SPECC1: variants seen among roughly 807,000 people sequenced by gnomAD.
SPECC1 encodes the protein sperm antigen with calponin homology and coiled-coil domains 1.
SPECC1 carries 62 observed loss-of-function variants against 104.1 expected under a neutral mutation model. The ratio of observed to expected loss-of-function variants is 0.60; its 90% confidence interval spans 0.49 to 0.74. The LOEUF (loss-of-function observed/expected upper bound fraction) is 0.74. Ranked by LOEUF, SPECC1 falls within the 30% of genes least tolerant of loss-of-function variation. The probability of loss-of-function intolerance (pLI) is 0.00; values close to 1 mark genes in which losing one functional copy is unlikely to be tolerated. For synonymous variants in SPECC1, 513 were observed against 501.6 expected, an observed-to-expected ratio of 1.02 and a Z score of -0.30; for missense variants, 1,306 against 1,310.5, an observed-to-expected ratio of 1.00 and a Z score of 0.05.
intron 3 of SPECC1, among the ~76,000 whole-genome samples, chr17:20,128,756 T>C (rs1336347762): frequency 6.6e-6 from 1 of 152,144 alleles, no homozygotes; most frequent in Non-Finnish European, 1.5e-5. Context: ...TTTTTATCAC[T>C]TTGAAATTTG....
At chr17:20,270,429 T>G (rs2040362655) in intron 12 of SPECC1, among the ~76,000 whole-genome samples, 1 of 74,130 alleles carries the variant, frequency 1.3e-5, no homozygotes, top group African/African-American at 5.7e-5. Flanking sequence ...GGCCCTGTCT[T>G]TACCAAAAAA....
chr17:20,066,039 C>A (rs1421640576), intron 1 of SPECC1, among the ~76,000 whole-genome samples: 1 of 152,184 alleles, frequency 6.6e-6, no homozygotes, highest in Non-Finnish European at 1.5e-5. Context: ...TCAATCATAA[C>A]AACATACCAT....
chr17:20,267,683 G>A (rs1404047915), intron 12 of SPECC1, among the ~76,000 whole-genome samples: 4 of 152,204 alleles, frequency 2.6e-5, no homozygotes, highest in African/African-American at 9.7e-5. Flanking sequence ...CTGGCAGCCA[G>A]CAGGAAACAG....
rs1233596275 is a variant in SPECC1, at chr17:20,317,820, A to G, written c.*3755A>G. ...CTGTGACTGATGGCCTCAGGAGTCC[A>G]GGAATAGGCCTTCTAGCACAGCAGC... On this transcript the variant is annotated 3_prime_UTR_variant, in exon 15 of 15. Transcript: ENST00000395527. The G allele has an allele frequency of 8.9e-6, 2 of 224,980 alleles. No homozygotes were observed. Among genetic ancestry groups the G allele is most frequent in the African/African-American group, 2.2e-5 (1 of 44,824 alleles). 13.9% of individuals were successfully genotyped at this position (224,980 alleles called of 1,614,324 possible). A position where few individuals can be genotyped will look rare whatever the true frequency, so the allele number is the denominator to read the frequency against.
chr17:20,028,092 CAT>C (rs1260089004), intron 1 of SPECC1, among the ~76,000 whole-genome samples: 3 of 152,090 alleles, frequency 2.0e-5, no homozygotes, highest in African/African-American at 7.2e-5. Context: ...TTAATTTTTG[CAT>C]ATGGTGTGAT....
At position 20,252,941 on chromosome 17, in the gene SPECC1, C is replaced by T. The variant is rs186223937; in HGVS notation, c.2599-564C>T. On this transcript the variant is annotated intron_variant, in intron 9 of 14. Coordinates refer to ENST00000395527, the MANE Select transcript of SPECC1 (RefSeq NM_001243439.2). The stretch of plus-strand genomic sequence containing the variant: ...TATTTCTAATTTTTTGAGGAACCTC[C>T]ATACTGTTCTGCGTAATGGCTGCAC... 3.8e-3 allele frequency among the ~76,000 whole-genome samples: 580 copies of T among 152,200 alleles called. 5 individuals carry two copies. Among genetic ancestry groups the T allele is most frequent in the Non-Finnish European group, 5.0e-3 (339 of 68,006 alleles).
intron 1 of SPECC1, among the ~76,000 whole-genome samples, chr17:20,078,314 A>G (rs1173607843): frequency 6.6e-6 from 1 of 151,936 alleles, no homozygotes; most frequent in South Asian, 2.1e-4. Context: ...AGTACTACTC[A>G]TAATAAATGA....
rs762643888 is a variant in SPECC1 at position 20,317,259 on chromosome 17, A to ATTTTT, written c.*3211_*3215dup. 213 of 69,664 alleles carry ATTTTT rather than the reference A, an allele frequency of 3.1e-3. 21 individuals carry two copies. The highest frequency in any genetic ancestry group is 0.014 in the African/African-American group (183 of 12,868). The allele number at this position is 69,664 out of a possible 1,614,324, so 4.3% of individuals were successfully genotyped here. The stretch of plus-strand genomic sequence containing the variant: ...GCAAGACCTCTGACTCTATAAAAAA[A>ATTTTT]TTTTTTTTTTTTTTTTTTTTTGAGA... On this transcript the variant is annotated 3_prime_UTR_variant, in exon 15 of 15. Transcript: ENST00000395527.
At chr17:20,089,030 A>G (rs1003511510) in intron 1 of SPECC1, among the ~76,000 whole-genome samples, 4 of 152,228 alleles carry the variant, frequency 2.6e-5, no homozygotes, top group Non-Finnish European at 4.4e-5. Context: ...ACTGTAAGCA[A>G]TGAGTTTGCC....
chr17:20,192,332 T>G (rs1044137413), intron 3 of SPECC1, among the ~76,000 whole-genome samples: 3 of 152,144 alleles, frequency 2.0e-5, no homozygotes, highest in Non-Finnish European at 4.4e-5. Context: ...TAACAGTCCT[T>G]TATCGGATAT....
At chr17:20,245,837 C>A in intron 7 of SPECC1, 89 bp from the exon 8 acceptor site, 1 of 1,425,590 alleles carries the variant, frequency 7.0e-7, no homozygotes, top group South Asian at 1.4e-5. Flanking sequence ...CATTTATTTT[C>A]TCCACATCAG....
intron 4 of SPECC1, among the ~76,000 whole-genome samples, chr17:20,214,734 C>T (rs1463258467): frequency 6.6e-6 from 1 of 152,178 alleles, no homozygotes; most frequent in Non-Finnish European, 1.5e-5. Context: ...TCTCAAACCC[C>T]TGACCTTAAG....
intron 3 of SPECC1, among the ~76,000 whole-genome samples, chr17:20,168,262 AC>A (rs1169100875): frequency 2.6e-5 from 4 of 152,230 alleles, no homozygotes; most frequent in Admixed American, 6.5e-5. Context: ...ATTTAAAAAA[AC>A]ATTACACCAT....
intron 3 of SPECC1, among the ~76,000 whole-genome samples, chr17:20,142,672 A>G (rs1448195695): frequency 1.3e-5 from 2 of 152,142 alleles, no homozygotes; most frequent in African/African-American, 2.4e-5. Flanking sequence ...ATTCTTTTAT[A>G]GGTACCAAGT....
rs368950901 is a variant in SPECC1 at position 20,142,148 on chromosome 17, G to A, written c.283+31586G>A. Among the ~76,000 whole-genome samples, 6 of 152,282 alleles carry A rather than the reference G, an allele frequency of 3.9e-5. No homozygotes were observed. In the East Asian group the frequency reaches 7.7e-4, roughly 20 times the overall value. The stretch of plus-strand genomic sequence containing the variant: ...TCTTCTGTTACATTCAGCATAGTGC[G>A]TGTAAAGTCACTAAATTATTATTTT... On this transcript the variant is annotated intron_variant, in intron 3 of 14. Coordinates refer to ENST00000395527, the MANE Select transcript of SPECC1 (RefSeq NM_001243439.2).
At chr17:20,031,274 G>T (rs950185964) in intron 1 of SPECC1, among the ~76,000 whole-genome samples, 1 of 152,076 alleles carries the variant, frequency 6.6e-6, no homozygotes, top group Admixed American at 6.6e-5. Context: ...CATTATAGGT[G>T]TGAGCCACCG....
chr17:20,089,944 G>A (rs2047332232), intron 1 of SPECC1, among the ~76,000 whole-genome samples: 1 of 152,188 alleles, frequency 6.6e-6, no homozygotes, highest in Admixed American at 6.5e-5. Context: ...GGCTGAAGCT[G>A]GTTATTCAGG....
intron 12 of SPECC1, among the ~76,000 whole-genome samples, chr17:20,283,225 A>G (rs544001436): frequency 3.9e-5 from 6 of 152,184 alleles, no homozygotes; most frequent in Admixed American, 3.9e-4. Context: ...AATAATATGA[A>G]CAGGAGCAGA....
intron 1 of SPECC1, among the ~76,000 whole-genome samples, chr17:20,030,897 A>T (rs1390344300): frequency 6.6e-6 from 1 of 151,998 alleles, no homozygotes; most frequent in Non-Finnish European, 1.5e-5. Flanking sequence ...ATTTTTTGAA[A>T]AGTTTTGTGC....
Sources: allele counts gnomAD v4.1 joint callset (sites outside exome capture counted in the v4.1 genomes callset), GRCh38; gene constraint gnomAD v4.1.1; transcripts MANE v1.5; gene names NCBI Gene and HGNC (gene_info 2026-07-23, HGNC 2026-07-21).